The following PAXIP1 variants were observed in gnomAD, a reference collection of about 807,000 sequenced individuals.
PAXIP1 encodes the protein PAX interacting protein 1, also known as PAX-interacting protein 1.
A neutral mutation model predicts 140.6 loss-of-function variants in PAXIP1; 19 were observed. The ratio of observed to expected loss-of-function variants is 0.14; its 90% confidence interval spans 0.09 to 0.20. The LOEUF (loss-of-function observed/expected upper bound fraction) is 0.20, where lower values mean the gene tolerates loss of function less well. Among genes scored for constraint, PAXIP1 ranks in the 10% least tolerant of loss-of-function variants. PAXIP1 has a pLI of 1.00. For missense variants in PAXIP1, 920 were observed against 1,208.6 expected, an observed-to-expected ratio of 0.76 and a Z score of 3.54; for synonymous variants, 442 against 444.6, an observed-to-expected ratio of 0.99 and a Z score of 0.07.
At chr7:154,970,033 G>A (rs984807989) in intron 6 of PAXIP1, among the ~76,000 whole-genome samples, 2 of 152,186 alleles carry the variant, frequency 1.3e-5, no homozygotes, top group Non-Finnish European at 2.9e-5. Context: ...GAAGGACGGT[G>A]ACCAGCAGAT....
chr7:154,995,152 C>T (rs145909475), intron 2 of PAXIP1, among the ~76,000 whole-genome samples: 57 of 152,214 alleles, frequency 3.7e-4, no homozygotes, highest in African/African-American at 1.1e-3. Context: ...CTGCTGTCCA[C>T]GAGAATTTTC....
intron 6 of PAXIP1, among the ~76,000 whole-genome samples, chr7:154,972,733 G>A (rs1037453203): frequency 6.6e-6 from 1 of 152,094 alleles, no homozygotes; most frequent in Non-Finnish European, 1.5e-5. Context: ...CCCATATCTC[G>A]CATATCCCAC....
At chr7:154,976,774 A>ATGGCTGACT (rs1298011641) in intron 5 of PAXIP1, among the ~76,000 whole-genome samples, 15 of 152,218 alleles carry the variant, frequency 9.9e-5, no homozygotes, top group Admixed American at 9.8e-4. Context: ...CTCATGGAGC[A>ATGGCTGACT]TGGCTGACTT....
At chr7:154,968,308 T>A (rs1809115096) in intron 7 of PAXIP1, 95 bp downstream of exon 7, 2 of 986,778 alleles carry the variant, frequency 2.0e-6, no homozygotes, top group Non-Finnish European at 1.5e-6. Flanking sequence ...GTAATTGTTT[T>A]GATATGAATC....
At chr7:154,989,935 C>G (rs1404168998) in intron 4 of PAXIP1, among the ~76,000 whole-genome samples, 2 of 152,074 alleles carry the variant, frequency 1.3e-5, no homozygotes. Context: ...AGTGGATGAT[C>G]CGATTGTTTC....
At chr7:155,001,035 T>C (rs936261655) in intron 1 of PAXIP1, 2 of 152,248 alleles carry the variant, frequency 1.3e-5, no homozygotes, top group African/African-American at 4.8e-5. Context: ...TCTTCACCTC[T>C]GTATTATACC....
intron 7 of PAXIP1, among the ~76,000 whole-genome samples, 158 bp from the exon 8 acceptor site, chr7:154,968,068 C>T (rs919545809): frequency 2.2e-4 from 33 of 152,060 alleles, no homozygotes; most frequent in African/African-American, 6.5e-4. Context: ...AATATTGCTA[C>T]GAAGATACTA....
At chr7:154,988,471 A>T (rs1429198799) in intron 4 of PAXIP1, among the ~76,000 whole-genome samples, 1 of 152,228 alleles carries the variant, frequency 6.6e-6, no homozygotes, top group Admixed American at 6.5e-5. Flanking sequence ...TACAAATATA[A>T]ACTCTGTTAA....
chr7:154,997,425 T>A (rs189105688), intron 2 of PAXIP1, among the ~76,000 whole-genome samples: 88 of 152,280 alleles, frequency 5.8e-4, no homozygotes, highest in African/African-American at 2.0e-3. Context: ...GCTGGCAATC[T>A]TTCTTAATTC....
chr7:154,954,572 A>G lies in PAXIP1; in HGVS notation c.2653-149T>C, dbSNP rs534330083. On this transcript the variant is annotated intron_variant, in intron 15 of 20. Transcript: ENST00000404141. The surrounding 1 kb of genome is among the most constrained non-coding windows in gnomAD (Gnocchi z 5.1). ...AGAAAACAGTGTGACAGGTAAAACA[A>G]AACCTGTAACTACAAGAGAAAAATA... 2.2e-6 allele frequency: 1 copy of G among 445,962 alleles called. No homozygotes were observed. The highest frequency in any genetic ancestry group is 1.2e-4 in the South Asian group (1 of 8,136). 27.6% of individuals were successfully genotyped at this position (445,962 alleles called of 1,614,324 possible).
chr7:154,957,238 A>G lies in PAXIP1; in HGVS notation c.2535T>C (p.Ser845=). 6.2e-7 allele frequency: 1 copy of G among 1,604,270 alleles called. No individual in the cohort carries two copies. Among genetic ancestry groups the G allele is most frequent in the Non-Finnish European group, 8.5e-7 (1 of 1,172,934 alleles). The change falls in exon 14 of 21, where the codon TCT becomes TCC. Residue 845 remains serine (S), a synonymous_variant. Transcript: ENST00000404141. ...ATTACTCATACCTGGCTCTTTTGGA[A>G]GAAGGCTGGACATTAGCTACTTCAT... ...KQNEVANVQP[S]SKRARIEDVP...
In PAXIP1 at chr7:154,956,990, G is replaced by A. The variant is rs1293486516; in HGVS notation, c.2549+234C>T. 2.8e-6 allele frequency: 1 copy of A among 363,058 alleles called. No individual in the cohort carries two copies. Among genetic ancestry groups the A allele is most frequent in the Non-Finnish European group, 4.9e-6 (1 of 203,918 alleles). The allele number at this position is 363,058 out of a possible 1,614,324, so 22.5% of individuals were successfully genotyped here. ...ACTTCTGTTTTACATGTTGGAAAGG[G>A]GCTTCTTATAATATGCCACTTAAAG... On this transcript the variant is annotated intron_variant, in intron 14 of 20. Transcript: ENST00000404141. This position sits in a 1 kb window ranked among gnomAD's most constrained non-coding sequence, Gnocchi z 4.2.
intron 5 of PAXIP1, among the ~76,000 whole-genome samples, chr7:154,978,380 T>TAC (rs1191839408): frequency 6.6e-6 from 1 of 152,220 alleles, no homozygotes; most frequent in Non-Finnish European, 1.5e-5. Context: ...TATCTCTAAC[T>TAC]ACACTTCCCT....
chr7:154,977,838 T>G lies in PAXIP1; in HGVS notation c.439-1507A>C, dbSNP rs116906209. On this transcript the variant is annotated intron_variant, in intron 5 of 20. Transcript: ENST00000404141. Reference sequence around the variant, plus strand: ...AATGTTCCTTTTTCACTTAATATATTGTGAACAACCTCTTCCTATGAAAAC... The same window carrying G: ...AATGTTCCTTTTTCACTTAATATATGGTGAACAACCTCTTCCTATGAAAAC... 3.7e-3 allele frequency among the ~76,000 whole-genome samples: 563 copies of G among 150,870 alleles called. 1 individual carries two copies. Among genetic ancestry groups the G allele is most frequent in the Non-Finnish European group, 4.6e-3 (311 of 68,028 alleles).
chr7:154,999,981 C>T (rs1380550011), intron 1 of PAXIP1: 2 of 152,138 alleles, frequency 1.3e-5, no homozygotes, highest in Non-Finnish European at 2.9e-5. Flanking sequence ...AAGGAACAGT[C>T]GACAGTCAAG....
intron 20 of PAXIP1, chr7:154,945,733 C>T: frequency 1.0e-6 from 1 of 985,326 alleles, no homozygotes; most frequent in Non-Finnish European, 1.2e-6. Context: ...CCATAAGGAC[C>T]TGTAAGGCAT....
Position 154,962,412 on chromosome 7 carries a change from G to C in PAXIP1, c.2036C>G (p.Thr679Arg). Residue 679 changes from threonine to arginine, a missense_variant, in exon 10 of 21, where the codon ACA becomes AGA. Physicochemically the swap from Thr to Arg is moderately conservative, Grantham distance 71. This residue lies in a region of PAXIP1 where 303 missense variants were observed against 517.9 expected (regional missense o/e 0.59). Transcript: ENST00000404141. ...TACCATTTTCTTCTTCTTTAAGACT[G>C]TGTTTAACCAGTGTGCAGTAACACA... is the stretch of plus-strand genomic sequence containing the variant. ...KRCVTAHWLN[T>R]VLKKKKMVPP... is the part of the protein sequence containing the mutation. 1.2e-6 allele frequency: 2 copies of C among 1,613,432 alleles called. No homozygotes were observed. The highest frequency in any genetic ancestry group is 1.7e-6 in the Non-Finnish European group (2 of 1,179,414).
rs141679693 is a variant in PAXIP1 at position 154,983,356 on chromosome 7, C to T, written c.325-24G>A. ...ACCTGACAGAAAGTTAGAAAGAAGG[C>T]TTTTACCATACATTTCAATCTGTGC... is the stretch of plus-strand genomic sequence containing the variant. On this transcript the variant is annotated intron_variant, in intron 4 of 20. Transcript: ENST00000404141. 710 of 1,185,030 alleles carry T rather than the reference C, an allele frequency of 6.0e-4. 5 individuals are homozygous for T. In the East Asian group the frequency reaches 0.016, roughly 26 times the overall value. 73.4% of individuals were successfully genotyped at this position (1,185,030 alleles called of 1,614,324 possible).
At position 154,973,497 on chromosome 7, in the gene PAXIP1, C is replaced by T. The variant is rs902433425; in HGVS notation, c.1074+2199G>A. On this transcript the variant is annotated intron_variant, in intron 6 of 20. Transcript: ENST00000404141. The surrounding 1 kb of genome is among the most constrained non-coding windows in gnomAD (Gnocchi z 4.0). ...CAAACCCGATGACCTTCTCTCTCTG[C>T]TCACCTTCTCCCCCACCATCTTAAC... 6.6e-6 allele frequency among the ~76,000 whole-genome samples: 1 copy of T among 152,190 alleles called. No individual in the cohort carries two copies. The highest frequency in any genetic ancestry group is 1.5e-5 in the Non-Finnish European group (1 of 68,040).
Sources: allele counts gnomAD v4.1 joint callset (sites outside exome capture counted in the v4.1 genomes callset), GRCh38; gene constraint gnomAD v4.1.1; regional missense constraint gnomAD v4.1.1; non-coding constraint Gnocchi (gnomAD v3.1); transcripts MANE v1.5; gene names NCBI Gene and HGNC (gene_info 2026-07-23, HGNC 2026-07-21).